Variants in ZNF487 observed in about 807,000 individuals in gnomAD.
The protein encoded by ZNF487 is zinc finger protein 487, also known as KRAB domain only 1.
A neutral mutation model predicts 3.0 loss-of-function variants in ZNF487; 4 were observed. That is an observed-to-expected ratio of 1.35 (90% CI 0.66 to 3.08). The LOEUF (loss-of-function observed/expected upper bound fraction) is 3.08, where lower values mean the gene tolerates loss of function less well. Among genes scored for constraint, ZNF487 ranks in the 30% most tolerant of loss-of-function variants. The pLI is 0.01. For synonymous variants in ZNF487, 55 were observed against 34.6 expected, an observed-to-expected ratio of 1.59 and a Z score of -2.06; for missense variants, 146 against 98.7, an observed-to-expected ratio of 1.48 and a Z score of -2.03.
chr10:43,475,550 C>T (rs1841065878), intron 1 of ZNF487, 171 bp from the exon 2 acceptor site: 2 of 586,950 alleles, frequency 3.4e-6, no homozygotes, highest in Admixed American at 6.1e-5. Flanking sequence ...GCAGAGTCCT[C>T]ATACCAGGAT....
intron 1 of ZNF487, among the ~76,000 whole-genome samples, chr10:43,472,713 C>T (rs1307526948): frequency 3.9e-5 from 6 of 152,152 alleles, no homozygotes; most frequent in African/African-American, 1.2e-4. Context: ...TGCTCCAGCT[C>T]GACTTGCCTT....
At chr10:43,465,270 C>T (rs1308161957) in intron 1 of ZNF487, among the ~76,000 whole-genome samples, 8 of 151,352 alleles carry the variant, frequency 5.3e-5, no homozygotes, top group Non-Finnish European at 8.9e-5. Flanking sequence ...CCGGACGGGG[C>T]GGCTGGCCTG....
chr10:43,491,012 T>C, the ZNF487 span, among the ~76,000 whole-genome samples: 3 of 128,138 alleles, frequency 2.3e-5, no homozygotes, highest in African/African-American at 6.2e-5. Context: ...AGAGTCTCAC[T>C]CTGTCTCCTG....
the ZNF487 span, among the ~76,000 whole-genome samples, chr10:43,506,156 G>A: frequency 1.1e-4 from 17 of 152,242 alleles, no homozygotes; most frequent in Admixed American, 2.0e-4. Context: ...AGTAGCCACA[G>A]TTCTACTCCC....
chr10:43,454,797 A>C (rs1413249265), intron 1 of ZNF487: 1 of 152,064 alleles, frequency 6.6e-6, no homozygotes, highest in Non-Finnish European at 1.5e-5. Context: ...CACCTATTCC[A>C]ATGGGCACAT....
the ZNF487 span, among the ~76,000 whole-genome samples, chr10:43,507,302 C>T: frequency 6.6e-6 from 1 of 152,106 alleles, no homozygotes; most frequent in Non-Finnish European, 1.5e-5. Context: ...GTGCACCCAC[C>T]CCCTGGGACA....
intron 1 of ZNF487, among the ~76,000 whole-genome samples, chr10:43,457,558 GAAAAAAA>G (rs1023956426): frequency 7.3e-6 from 1 of 136,964 alleles, no homozygotes; most frequent in Non-Finnish European, 1.5e-5. Flanking sequence ...CTGTCTTGGG[GAAAAAAA>G]AAAAAAAAAA....
At position 43,477,143 on chromosome 10, in the gene ZNF487, C is replaced by G. The variant is rs141392773; in HGVS notation, c.130+941C>G. ...AATGACCCAACATGTGAATCAGTTACCAGTTGATCTGAATTGTGTTCTAAA... is the reference window on the plus strand; with the variant it reads ...AATGACCCAACATGTGAATCAGTTAGCAGTTGATCTGAATTGTGTTCTAAA... On this transcript the variant is annotated intron_variant, in intron 3 of 3. Coordinates refer to ENST00000437590, the MANE Select transcript of ZNF487 (RefSeq NM_001355444.3). Among the ~76,000 whole-genome samples, 208 of 151,810 alleles carry G rather than the reference C, an allele frequency of 1.4e-3. 1 individual carries two copies. Among genetic ancestry groups the G allele is most frequent in the Middle Eastern group, 3.4e-3 (1 of 292 alleles).
At chr10:43,498,910 C>T in the ZNF487 span, among the ~76,000 whole-genome samples, 3 of 149,512 alleles carry the variant, frequency 2.0e-5, no homozygotes, top group East Asian at 6.0e-4. Flanking sequence ...CCACTGCACT[C>T]TAGCCTGGGC....
At chr10:43,478,397 A>G (rs1841182112) in intron 3 of ZNF487, among the ~76,000 whole-genome samples, 1 of 152,132 alleles carries the variant, frequency 6.6e-6, no homozygotes. Flanking sequence ...TCTACTAAAA[A>G]TACAAAATTA....
At chr10:43,487,447 T>C (rs1233353689), downstream of ZNF487, among the ~76,000 whole-genome samples, 3 of 149,168 alleles carry the variant, frequency 2.0e-5, no homozygotes, top group African/African-American at 7.4e-5. Context: ...CCCAGAAACA[T>C]TTTTTTCTTT....
At chr10:43,447,192 G>A (rs1248998237) in intron 1 of ZNF487, among the ~76,000 whole-genome samples, 2 of 151,006 alleles carry the variant, frequency 1.3e-5, no homozygotes, top group African/African-American at 2.4e-5. Context: ...ATGAGGGAGA[G>A]GGGGAGACCG....
chr10:43,522,088 T>G, the ZNF487 span, among the ~76,000 whole-genome samples: 1 of 152,352 alleles, frequency 6.6e-6, no homozygotes, highest in South Asian at 2.1e-4. Flanking sequence ...ATAGCCTACA[T>G]GTATGCTTTC....
At chr10:43,522,269 C>A in the ZNF487 span, among the ~76,000 whole-genome samples, 1 of 152,182 alleles carries the variant, frequency 6.6e-6, no homozygotes, top group Non-Finnish European at 1.5e-5. Flanking sequence ...GTAATCCCAG[C>A]ACTTTGGAAG....
At chr10:43,465,265 C>G (rs1364914998) in intron 1 of ZNF487, among the ~76,000 whole-genome samples, 1 of 146,630 alleles carries the variant, frequency 6.8e-6, no homozygotes, top group African/African-American at 2.5e-5. Context: ...CCCTCCCGGA[C>G]GGGGCGGCTG....
rs1281698683 is a variant in ZNF487, at chr10:43,441,014, A to G, written c.-94+3752A>G. Among the ~76,000 whole-genome samples the G allele has an allele frequency of 3.0e-5, 4 of 134,922 alleles. No homozygotes were observed. The East Asian group carries it at 9.1e-4, about 31-fold the overall frequency. 88.5% of individuals were successfully genotyped at this position (134,922 alleles called of 152,430 possible). The stretch of plus-strand genomic sequence containing the variant: ...CCCAAGTAGCTAGGACCACAGGTAA[A>G]TGCTACCACACCTGGTTAAATTTTT... On this transcript the variant is annotated intron_variant, in intron 1 of 3. Coordinates refer to ENST00000437590, the MANE Select transcript of ZNF487 (RefSeq NM_001355444.3).
the ZNF487 span, among the ~76,000 whole-genome samples, chr10:43,495,605 A>G: frequency 6.6e-6 from 1 of 152,166 alleles, no homozygotes; most frequent in African/African-American, 2.4e-5. Flanking sequence ...AGCAAAACAG[A>G]ATTGAACACT....
At chr10:43,464,654 A>T (rs1800540567) in intron 1 of ZNF487, among the ~76,000 whole-genome samples, 1 of 152,222 alleles carries the variant, frequency 6.6e-6, no homozygotes, top group South Asian at 2.1e-4. Flanking sequence ...CCCTGAGTTG[A>T]CACAGCACAT....
At chr10:43,450,817 A>G (rs1034599851) in intron 1 of ZNF487, among the ~76,000 whole-genome samples, 2 of 152,044 alleles carry the variant, frequency 1.3e-5, no homozygotes, top group Non-Finnish European at 2.9e-5. Flanking sequence ...GACTTAGAAG[A>G]AAAAAAAGCC....
Sources: gnomAD v4.1 joint callset for allele counts (sites outside exome capture counted in the v4.1 genomes callset) on GRCh38, gnomAD v4.1.1 for gene constraint, MANE v1.5 for transcripts, NCBI Gene and HGNC (gene_info 2026-07-23, HGNC 2026-07-21) for gene names.